Variants in NRG1 observed in about 807,000 individuals in gnomAD.
The protein encoded by NRG1 is neuregulin 1.
In NRG1, 18 loss-of-function variants were observed where a neutral mutation model predicts 63.8. The ratio of observed to expected loss-of-function variants is 0.28; its 90% confidence interval spans 0.19 to 0.42. The LOEUF (loss-of-function observed/expected upper bound fraction) is 0.42. Among genes scored for constraint, NRG1 ranks in the 10% least tolerant of loss-of-function variants. The probability of loss-of-function intolerance (pLI) is 1.00; values close to 1 mark genes in which losing one functional copy is unlikely to be tolerated. For missense variants in NRG1, 762 were observed against 814.7 expected, an observed-to-expected ratio of 0.94 and a Z score of 0.79; for synonymous variants, 302 against 301.3, an observed-to-expected ratio of 1.00 and a Z score of -0.02.
upstream of NRG1, among the ~76,000 whole-genome samples, chr8:32,546,902 C>A (rs1002654074): frequency 3.3e-5 from 5 of 152,278 alleles, no homozygotes; most frequent in African/African-American, 7.2e-5. Flanking sequence ...CTCCAGACTG[C>A]ACTTTTATTT....
intron 1 of NRG1, among the ~76,000 whole-genome samples, chr8:32,218,088 T>C (rs1028095879): frequency 6.6e-6 from 1 of 152,264 alleles, no homozygotes; most frequent in African/African-American, 2.4e-5. Context: ...GTGTAAGTTC[T>C]TAAACAAAAT....
intron 1 of NRG1, among the ~76,000 whole-genome samples, chr8:32,309,618 C>T (rs1440008312): frequency 6.6e-6 from 1 of 152,154 alleles, no homozygotes; most frequent in African/African-American, 2.4e-5. Context: ...CAGTTATGCC[C>T]TATTGTTTTT....
intron 1 of NRG1, among the ~76,000 whole-genome samples, chr8:32,035,759 C>T (rs1039365267): frequency 6.6e-6 from 1 of 151,856 alleles, no homozygotes; most frequent in African/African-American, 2.4e-5. Flanking sequence ...GGATTTCAAC[C>T]CCTGCTTTTT....
At chr8:31,639,458 G>A (rs1451923525) in intron 1 of NRG1, 2 of 1,532,424 alleles carry the variant, frequency 1.3e-6, no homozygotes, top group African/African-American at 2.7e-5. Context: ...GGCGCAGGAC[G>A]CTGTCGCCGC....
At chr8:32,515,562 G>C (rs545407854) in intron 1 of NRG1, among the ~76,000 whole-genome samples, 100 of 151,846 alleles carry the variant, frequency 6.6e-4, no homozygotes, top group African/African-American at 2.3e-3. Context: ...TTTCACCTCA[G>C]CCCCCAAATA....
At chr8:32,153,756 T>C (rs1472387306) in intron 1 of NRG1, among the ~76,000 whole-genome samples, 1 of 152,194 alleles carries the variant, frequency 6.6e-6, no homozygotes, top group Non-Finnish European at 1.5e-5. Context: ...TGAGAATCTG[T>C]GGGCACACTA....
At chr8:31,966,470 A>G (rs1278527729) in intron 1 of NRG1, among the ~76,000 whole-genome samples, 1 of 152,256 alleles carries the variant, frequency 6.6e-6, no homozygotes, top group East Asian at 1.9e-4. Flanking sequence ...AAAATTCAAG[A>G]GACTCCTAAT....
intron 1 of NRG1, among the ~76,000 whole-genome samples, chr8:32,127,819 G>A (rs190133922): frequency 4.0e-5 from 6 of 151,826 alleles, no homozygotes; most frequent in East Asian, 3.9e-4. Context: ...CCAGCTACTC[G>A]GGAAGCTGAG....
intron 1 of NRG1, among the ~76,000 whole-genome samples, chr8:32,007,989 C>T (rs1354178573): frequency 6.6e-6 from 1 of 151,898 alleles, no homozygotes; most frequent in Non-Finnish European, 1.5e-5. Flanking sequence ...GGAAGAAATG[C>T]TACATCATGA....
intron 1 of NRG1, among the ~76,000 whole-genome samples, chr8:31,650,771 T>C (rs1804758879): frequency 6.6e-6 from 1 of 151,940 alleles, no homozygotes; most frequent in African/African-American, 2.4e-5. Flanking sequence ...CCAACACTAT[T>C]CTTGTGTTTG....
rs147491018 is a variant in NRG1 at position 32,703,353 on chromosome 8, C to G, written c.503-24596C>G. 1.4e-3 allele frequency among the ~76,000 whole-genome samples: 206 copies of G among 151,580 alleles called. 1 individual carries two copies. Among genetic ancestry groups the G allele is most frequent in the African/African-American group, 4.7e-3 (196 of 41,344 alleles). On this transcript the variant is annotated intron_variant, in intron 5 of 11. Coordinates refer to ENST00000356819, the Ensembl canonical transcript of NRG1. ...GAAATATCATATCTGTTTGATTTCC[C>G]AAATGATTGCAGAAATGCTTTGATC...
chr8:31,701,771 CAA>C (rs1810656278), intron 1 of NRG1, among the ~76,000 whole-genome samples: 1 of 152,102 alleles, frequency 6.6e-6, no homozygotes, highest in African/African-American at 2.4e-5. Flanking sequence ...GAAAAAAAAT[CAA>C]TACAAAACAA....
chr8:32,478,497 C>G (rs1563519013), intron 1 of NRG1, among the ~76,000 whole-genome samples: 1 of 152,166 alleles, frequency 6.6e-6, no homozygotes, highest in African/African-American at 2.4e-5. Flanking sequence ...TTATTTGATA[C>G]TGTTAATAAA....
chr8:32,333,799 C>T (rs184309398), intron 1 of NRG1, among the ~76,000 whole-genome samples: 252 of 152,280 alleles, frequency 1.7e-3, no homozygotes, highest in Non-Finnish European at 1.2e-3. Flanking sequence ...CTGTTCCTTT[C>T]CTGTTACCCT....
At chr8:32,511,691 T>TG in intron 1 of NRG1, among the ~76,000 whole-genome samples, 1 of 152,072 alleles carries the variant, frequency 6.6e-6, no homozygotes, top group African/African-American at 2.4e-5. Flanking sequence ...TGCAATGGCT[T>TG]GTATTTGAGT....
At chr8:32,705,433 G>C (rs750133521) in intron 5 of NRG1, among the ~76,000 whole-genome samples, 2 of 152,114 alleles carry the variant, frequency 1.3e-5, no homozygotes, top group Non-Finnish European at 2.9e-5. Flanking sequence ...GCCCGGCCAA[G>C]TGACAATGTA....
At chr8:32,380,625 T>C (rs1365562430) in intron 1 of NRG1, among the ~76,000 whole-genome samples, 1 of 152,136 alleles carries the variant, frequency 6.6e-6, no homozygotes, top group Non-Finnish European at 1.5e-5. Flanking sequence ...TCAGTAAACA[T>C]TACCACTCTC....
At chr8:32,167,726 C>T (rs1210145224) in intron 1 of NRG1, among the ~76,000 whole-genome samples, 1 of 152,144 alleles carries the variant, frequency 6.6e-6, no homozygotes, top group East Asian at 1.9e-4. Flanking sequence ...GCCAGCAGCA[C>T]ATGATGGGAA....
At chr8:31,837,930 T>C (rs1825835696) in intron 1 of NRG1, among the ~76,000 whole-genome samples, 1 of 152,096 alleles carries the variant, frequency 6.6e-6, no homozygotes, top group South Asian at 2.1e-4. Flanking sequence ...AAAATACTGC[T>C]GCAATAACAT....
Sources: allele counts gnomAD v4.1 joint callset (sites outside exome capture counted in the v4.1 genomes callset), GRCh38; gene constraint gnomAD v4.1.1; transcripts MANE v1.5; gene names NCBI Gene and HGNC (gene_info 2026-07-23, HGNC 2026-07-21).